ABLIM1: variants seen among roughly 807,000 people sequenced by gnomAD.
ABLIM1 encodes actin binding LIM protein 1.
In ABLIM1, 40 loss-of-function variants were observed where a neutral mutation model predicts 107.0. That is an observed-to-expected ratio of 0.37 (90% CI 0.29 to 0.49). ABLIM1 has a LOEUF of 0.49. Ranked by LOEUF, ABLIM1 falls within the 20% of genes least tolerant of loss-of-function variation. The pLI is 0.97. For synonymous variants in ABLIM1, 357 were observed against 357.3 expected, an observed-to-expected ratio of 1.00 and a Z score of 0.01; for missense variants, 857 against 1,008.5, an observed-to-expected ratio of 0.85 and a Z score of 2.04.
At chr10:114,777,005 G>T in the ABLIM1 span, among the ~76,000 whole-genome samples, 3 of 152,204 alleles carry the variant, frequency 2.0e-5, no homozygotes, top group South Asian at 6.2e-4. Flanking sequence ...GGTTGCACTT[G>T]TCTTTTAAAT....
At chr10:114,592,259 G>A (rs1355746006) in intron 2 of ABLIM1, among the ~76,000 whole-genome samples, 3 of 152,200 alleles carry the variant, frequency 2.0e-5, no homozygotes, top group Middle Eastern at 3.2e-3. Flanking sequence ...CCCAAAGGAG[G>A]TATGGGAGAG....
chr10:114,539,810 T>C (rs150779821), intron 6 of ABLIM1, among the ~76,000 whole-genome samples: 10 of 151,892 alleles, frequency 6.6e-5, no homozygotes, highest in East Asian at 3.9e-4. Context: ...ATGACATTAG[T>C]GACCTAGGTC....
At chr10:114,484,202 A>G (rs1460793666) in intron 8 of ABLIM1, among the ~76,000 whole-genome samples, 1 of 152,188 alleles carries the variant, frequency 6.6e-6, no homozygotes, top group East Asian at 1.9e-4. Flanking sequence ...ACTTACCAGT[A>G]GAGTAACTCT....
chr10:114,766,501 A>G (rs2082896842), intron 1 of ABLIM1, among the ~76,000 whole-genome samples: 1 of 152,176 alleles, frequency 6.6e-6, no homozygotes, highest in South Asian at 2.1e-4. Context: ...ATCCTCAGAT[A>G]AACCCGAGAC....
At chr10:114,656,269 C>CAAAAAAAAA (rs71007486) in intron 1 of ABLIM1, among the ~76,000 whole-genome samples, 1 of 63,572 alleles carries the variant, frequency 1.6e-5, no homozygotes, top group African/African-American at 7.1e-5. Context: ...AACTCCGTCT[C>CAAAAAAAAA]AAAAAAAAAA....
intron 1 of ABLIM1, among the ~76,000 whole-genome samples, chr10:114,636,057 T>C (rs2078463921): frequency 6.6e-6 from 1 of 152,186 alleles, no homozygotes; most frequent in African/African-American, 2.4e-5. Context: ...AGGAGATATA[T>C]GCACACACAT....
chr10:114,464,522 G>A (rs2064720540), intron 12 of ABLIM1, among the ~76,000 whole-genome samples: 1 of 152,040 alleles, frequency 6.6e-6, no homozygotes, highest in South Asian at 2.1e-4. Context: ...AATGGACAAA[G>A]GCTTAAATCG....
chr10:114,669,572 A>T (rs2080165760), intron 1 of ABLIM1, among the ~76,000 whole-genome samples: 1 of 152,224 alleles, frequency 6.6e-6, no homozygotes, highest in African/African-American at 2.4e-5. Flanking sequence ...CATCAAGGCA[A>T]TTCAATCAGC....
rs1344080208 is a variant in ABLIM1, at chr10:114,597,266, AAGGAAATTCAG to A, written c.379+4550_379+4560del. 2.0e-5 allele frequency among the ~76,000 whole-genome samples: 3 copies of A among 152,314 alleles called. No homozygotes were observed. The East Asian group carries it at 5.8e-4, about 29-fold the overall frequency. ...GGGACTTATAAAAAGTAAAGACGCT[AAGGAAATTCAG>A]AGTGCTGATCTGATTAGGATGGAGA... is the stretch of plus-strand genomic sequence containing the variant. On this transcript the variant is annotated intron_variant, in intron 2 of 22. Transcript: ENST00000533213.
chr10:114,610,513 C>A (rs918632068), intron 1 of ABLIM1: 2 of 152,190 alleles, frequency 1.3e-5, no homozygotes, highest in Non-Finnish European at 2.9e-5. Flanking sequence ...CAGAGATGTG[C>A]GCTCTCCCAC....
intron 8 of ABLIM1, among the ~76,000 whole-genome samples, chr10:114,477,559 T>C (rs972703940): frequency 6.6e-6 from 1 of 152,218 alleles, no homozygotes; most frequent in Admixed American, 6.5e-5. Context: ...TGGCTCTGAA[T>C]GGTTTTATTT....
chr10:114,661,041 T>G (rs1254702208), upstream of ABLIM1, among the ~76,000 whole-genome samples: 1 of 152,196 alleles, frequency 6.6e-6, no homozygotes, highest in East Asian at 1.9e-4. Context: ...TCCTAAATTT[T>G]TTTTTTTACA....
At chr10:114,548,250 C>G (rs1442960925) in intron 4 of ABLIM1, among the ~76,000 whole-genome samples, 1 of 152,168 alleles carries the variant, frequency 6.6e-6, no homozygotes, top group Non-Finnish European at 1.5e-5. Context: ...TAAATGGGAC[C>G]CTACTTCCTT....
intron 1 of ABLIM1, among the ~76,000 whole-genome samples, chr10:114,669,449 T>C (rs1034958346): frequency 6.6e-6 from 1 of 152,196 alleles, no homozygotes; most frequent in African/African-American, 2.4e-5. Flanking sequence ...CCAGAAAATA[T>C]TGGATTCCAG....
At position 114,544,992 on chromosome 10, in the gene ABLIM1, G is replaced by T. The variant is rs2067138015; in HGVS notation, c.894+13C>A. 1 of 1,613,354 alleles carries T rather than the reference G, an allele frequency of 6.2e-7. No individual in the cohort carries two copies. The highest frequency in any genetic ancestry group is 8.5e-7 in the Non-Finnish European group (1 of 1,179,356). On this transcript the variant is annotated intron_variant, in intron 6 of 22. Coordinates refer to ENST00000533213, the MANE Select transcript of ABLIM1 (RefSeq NM_002313.7). ...GATGGCGGTAGCTATGAGGGAGCCG[G>T]TCTGCCACTTACCTCCAGGACTTTC...
At chr10:114,604,483 C>A (rs1467514695) in intron 1 of ABLIM1, among the ~76,000 whole-genome samples, 3 of 152,308 alleles carry the variant, frequency 2.0e-5, no homozygotes, top group African/African-American at 7.2e-5. Flanking sequence ...ACACTCAAGG[C>A]AACTCTATGG....
chr10:114,798,556 A>ACCC, the ABLIM1 span, among the ~76,000 whole-genome samples: 36,985 of 124,176 alleles, frequency 0.3, 6,474 homozygotes, highest in Non-Finnish European at 0.38. Context: ...AGATGATGAG[A>ACCC]CCCCCCCCCC....
intron 1 of ABLIM1, among the ~76,000 whole-genome samples, chr10:114,691,299 A>G (rs77610180): frequency 0.014 from 2,068 of 152,350 alleles, 25 homozygotes; most frequent in Middle Eastern, 0.051. Flanking sequence ...CAATTAATTA[A>G]TATCAATGCT....
intron 4 of ABLIM1, 138 bp downstream of exon 4, chr10:114,571,159 T>A: frequency 1.4e-6 from 1 of 712,382 alleles, no homozygotes; most frequent in Admixed American, 2.7e-5. Context: ...TTTAATGTCA[T>A]CTTTGGAGAA....
Sources: allele counts gnomAD v4.1 joint callset (sites outside exome capture counted in the v4.1 genomes callset), GRCh38; gene constraint gnomAD v4.1.1; transcripts MANE v1.5; gene names NCBI Gene and HGNC (gene_info 2026-07-23, HGNC 2026-07-21).